MYO18B: variants seen among roughly 807,000 people sequenced by gnomAD.
MYO18B encodes myosin XVIIIB, also known as unconventional myosin-XVIIIb.
MYO18B carries 204 observed loss-of-function variants against 273.0 expected under a neutral mutation model. The ratio of observed to expected loss-of-function variants is 0.75; its 90% CI spans 0.67 to 0.84. The LOEUF is 0.84. Ranked by LOEUF, MYO18B falls within the 40% of genes least tolerant of loss-of-function variation. The pLI, the probability that MYO18B is intolerant of heterozygous loss-of-function variation, is 0.00. For synonymous variants in MYO18B, 1,330 were observed against 1,305.7 expected (o/e 1.02, Z -0.40); for missense variants, 3,212 against 3,287.6 (o/e 0.98, Z 0.56).
intron 11 of MYO18B, among the ~76,000 whole-genome samples, chr22:25,793,018 A>T (rs1277669257): frequency 6.6e-6 from 1 of 152,146 alleles, no homozygotes; most frequent in African/African-American, 2.4e-5. Flanking sequence ...CTTGTTATAG[A>T]GTATGGGGCA....
chr22:25,876,415 C>G (rs1363699650), intron 24 of MYO18B, 83 bp downstream of exon 24: 1 of 1,424,478 alleles, frequency 7.0e-7, no homozygotes, highest in Non-Finnish European at 9.3e-7. Context: ...CCCTGTGCCC[C>G]TATTCCTGAA....
intron 18 of MYO18B, among the ~76,000 whole-genome samples, chr22:25,844,229 G>T (rs780405500): frequency 1.3e-5 from 2 of 152,120 alleles, no homozygotes; most frequent in Non-Finnish European, 2.9e-5. Context: ...AAGAACTAGG[G>T]GTTCATAAAA....
chr22:25,978,128 G>C (rs2093112773), intron 39 of MYO18B, among the ~76,000 whole-genome samples: 1 of 152,180 alleles, frequency 6.6e-6, no homozygotes, highest in Non-Finnish European at 1.5e-5. Context: ...GATCAATATA[G>C]TAGGGAATTA....
intron 19 of MYO18B, among the ~76,000 whole-genome samples, chr22:25,847,024 G>A (rs191576327): frequency 2.0e-5 from 3 of 151,400 alleles, no homozygotes; most frequent in Non-Finnish European, 4.4e-5. Flanking sequence ...AGGTTGCAGC[G>A]AGCTGAGATC....
chr22:25,902,502 A>G, intron 29 of MYO18B, 111 bp from the exon 30 acceptor site: 3 of 1,244,996 alleles, frequency 2.4e-6, no homozygotes, highest in East Asian at 2.6e-5. Flanking sequence ...CTCTCTTTCT[A>G]ATGGTTCTTG....
intron 12 of MYO18B, among the ~76,000 whole-genome samples, chr22:25,818,989 C>A (rs1262475683): frequency 6.6e-6 from 1 of 152,148 alleles, no homozygotes; most frequent in Non-Finnish European, 1.5e-5. Context: ...TGGGCCAACA[C>A]CCATGTTATT....
intron 15 of MYO18B, 119 bp from the exon 16 acceptor site, chr22:25,832,798 C>T (rs892815868): frequency 1.0e-4 from 86 of 831,628 alleles, no homozygotes; most frequent in Non-Finnish European, 1.1e-4. Flanking sequence ...TTTAAAAAAA[C>T]GATTTTTTTA....
chr22:25,876,322 G>C lies in MYO18B; in HGVS notation c.4214G>C (p.Arg1405Pro). The C allele has an allele frequency of 6.2e-7, 1 of 1,610,772 alleles. No individual in the cohort carries two copies. The change falls in exon 24 of 44, where the codon CGA (arginine) becomes CCA (proline). Residue 1405 changes from arginine (R) to proline (P), a missense_variant. Physicochemically the swap from Arg to Pro is moderately radical, Grantham distance 103. Coordinates refer to ENST00000335473, the MANE Select transcript of MYO18B (RefSeq NM_032608.7). ...LSATIGTEQL[R>P]AKEEELTTLR... is the part of the protein sequence containing the mutation. ...GCCACCATTGGAACTGAGCAGCTCC[G>C]AGCCAAGGAGGTCAGTCTATGTGGC...
chr22:25,919,575 A>G (rs1005199608), intron 33 of MYO18B, among the ~76,000 whole-genome samples: 7 of 152,228 alleles, frequency 4.6e-5, no homozygotes, highest in South Asian at 2.1e-4. Context: ...AATAAGGTCT[A>G]TTTAAGGAGA....
chr22:25,797,043 C>T (rs907822425), intron 11 of MYO18B, among the ~76,000 whole-genome samples: 2 of 152,178 alleles, frequency 1.3e-5, no homozygotes, highest in Non-Finnish European at 2.9e-5. Context: ...GCCTGGCCAA[C>T]GTGGTGAAAC....
intron 14 of MYO18B, among the ~76,000 whole-genome samples, chr22:25,827,579 A>G (rs16980829): frequency 0.011 from 1,647 of 152,350 alleles, 36 homozygotes; most frequent in African/African-American, 0.038. Context: ...TAGGCTTCTG[A>G]AATCCTGTTA....
chr22:25,965,507 G>C (rs763928745), intron 39 of MYO18B, among the ~76,000 whole-genome samples: 4 of 152,204 alleles, frequency 2.6e-5, no homozygotes, highest in Non-Finnish European at 5.9e-5. Flanking sequence ...CTGGCTTGTA[G>C]TGTTTGCCAA....
intron 12 of MYO18B, among the ~76,000 whole-genome samples, chr22:25,806,054 G>A (rs1385703059): frequency 6.6e-6 from 1 of 152,200 alleles, no homozygotes; most frequent in Non-Finnish European, 1.5e-5. Flanking sequence ...GTCTGATTCT[G>A]CTCATCGTTG....
chr22:25,921,253 T>C lies in MYO18B; in HGVS notation c.5365-4T>C. ...AAGCTCATGGGTCTCCCTTTGGCTT[T>C]CAGATTGGCCATCGGGACTTTGATG... On this transcript the variant is annotated splice_polypyrimidine_tract_variant and splice_region_variant and intron_variant, in intron 33 of 43. Coordinates refer to ENST00000335473, the MANE Select transcript of MYO18B (RefSeq NM_032608.7). The C allele has an allele frequency of 6.5e-7, 1 of 1,550,148 alleles. No homozygotes were observed. The highest frequency in any genetic ancestry group is 2.0e-5 in the Admixed American group (1 of 50,954).
intron 10 of MYO18B, among the ~76,000 whole-genome samples, chr22:25,782,172 A>C (rs1299155947): frequency 6.6e-6 from 1 of 152,158 alleles, no homozygotes; most frequent in Non-Finnish European, 1.5e-5. Flanking sequence ...TGTAATGTGG[A>C]AACAACACCT....
downstream of MYO18B, among the ~76,000 whole-genome samples, chr22:26,035,433 C>G (rs1254535758): frequency 1.3e-5 from 2 of 152,178 alleles, no homozygotes; most frequent in Non-Finnish European, 2.9e-5. Context: ...CCTAGGCAAT[C>G]AGGAATGCAA....
At chr22:25,853,960 G>A (rs2748234) in intron 21 of MYO18B, among the ~76,000 whole-genome samples, 11,016 of 152,208 alleles carry the variant, frequency 0.072, 1,297 homozygotes, top group African/African-American at 0.25. Context: ...CACATGATAT[G>A]CCATGAATTA....
intron 21 of MYO18B, among the ~76,000 whole-genome samples, chr22:25,858,642 C>G (rs2090642925): frequency 6.6e-6 from 1 of 151,692 alleles, no homozygotes; most frequent in Non-Finnish European, 1.5e-5. Context: ...TAAGTGGGGG[C>G]TGTGGGTTGG....
chr22:25,925,955 C>T (rs1229000972), intron 34 of MYO18B, among the ~76,000 whole-genome samples: 1 of 149,652 alleles, frequency 6.7e-6, no homozygotes, highest in African/African-American at 2.5e-5. Flanking sequence ...CCTGTAATCC[C>T]AGCACTTTGG....
Sources: allele counts gnomAD v4.1 joint callset (sites outside exome capture counted in the v4.1 genomes callset), GRCh38; gene constraint gnomAD v4.1.1; transcripts MANE v1.5; gene names NCBI Gene and HGNC (gene_info 2026-07-23, HGNC 2026-07-21).